The following TPD52 variants were observed in gnomAD, a reference collection of about 807,000 sequenced individuals.
TPD52 encodes the protein prostate and colon associated protein.
TPD52 carries 17 observed loss-of-function variants against 31.3 expected under a neutral mutation model. That is an observed-to-expected ratio of 0.54 (90% CI 0.37 to 0.82). The LOEUF (loss-of-function observed/expected upper bound fraction) is 0.82. TPD52 is among the 40% of genes least tolerant of loss of function. The pLI is 0.00. For synonymous variants in TPD52, 83 were observed against 89.6 expected, an observed-to-expected ratio of 0.93 and a Z score of 0.42; for missense variants, 212 against 240.1, an observed-to-expected ratio of 0.88 and a Z score of 0.77.
At chr8:80,054,096 A>G (rs1208097439) in intron 2 of TPD52, among the ~76,000 whole-genome samples, 1 of 152,182 alleles carries the variant, frequency 6.6e-6, no homozygotes, top group Non-Finnish European at 1.5e-5. Context: ...GCCCTGACCC[A>G]TGGACAGCCA....
chr8:80,057,947 C>T (rs1812084353), intron 2 of TPD52, among the ~76,000 whole-genome samples: 1 of 152,114 alleles, frequency 6.6e-6, no homozygotes, highest in South Asian at 2.1e-4. Flanking sequence ...GACTATGTTT[C>T]CTCTTCCATC....
intron 1 of TPD52, among the ~76,000 whole-genome samples, chr8:80,106,506 G>A (rs867514826): frequency 2.0e-5 from 3 of 151,816 alleles, no homozygotes; most frequent in African/African-American, 7.3e-5. Flanking sequence ...ACAGGTGCAC[G>A]CCACCACACC....
At chr8:80,140,158 G>A (rs1041438928) in intron 1 of TPD52, among the ~76,000 whole-genome samples, 2 of 152,186 alleles carry the variant, frequency 1.3e-5, no homozygotes, top group African/African-American at 2.4e-5. Flanking sequence ...TGGTGAGAAC[G>A]TGAGACCTCA....
intron 1 of TPD52, among the ~76,000 whole-genome samples, chr8:80,102,335 G>A (rs1806804586): frequency 6.6e-6 from 1 of 152,176 alleles, no homozygotes; most frequent in African/African-American, 2.4e-5. Flanking sequence ...ACCTCTTTAT[G>A]GACCTGATCA....
rs140829638 is a variant in TPD52, at chr8:80,169,270, C to T, written c.19+2155G>A. 7.1e-4 allele frequency among the ~76,000 whole-genome samples: 108 copies of T among 152,118 alleles called. No homozygotes were observed. The South Asian group carries it at 7.3e-3, about 10-fold the overall frequency. ...TGCTGGGATTACAGGTGTGAGCCACCGCACCCAGCCTTGGCCACGTTGTTC... is the reference window on the plus strand; with the variant it reads ...TGCTGGGATTACAGGTGTGAGCCACTGCACCCAGCCTTGGCCACGTTGTTC... On this transcript the variant is annotated intron_variant, in intron 1 of 7. Coordinates refer to ENST00000518937, the MANE Select transcript of TPD52 (RefSeq NM_001025253.3).
At chr8:80,087,804 GGGCAGAGA>G (rs1815931999) in intron 1 of TPD52, among the ~76,000 whole-genome samples, 1 of 152,280 alleles carries the variant, frequency 6.6e-6, no homozygotes, top group Non-Finnish European at 1.5e-5. Context: ...CAGGGTGAGA[GGGCAGAGA>G]GGCTGAGAGG....
intron 2 of TPD52, among the ~76,000 whole-genome samples, chr8:80,061,216 T>A (rs963360336): frequency 6.6e-6 from 1 of 151,614 alleles, no homozygotes; most frequent in Non-Finnish European, 1.5e-5. Flanking sequence ...AATACAAAAT[T>A]AGCCGGGCGT....
intron 7 of TPD52, 32 bp downstream of exon 7, chr8:80,042,588 A>G: frequency 6.3e-7 from 1 of 1,587,206 alleles, no homozygotes. Context: ...CAGGCAATGT[A>G]TCAAAAAGAC....
chr8:80,048,079 G>A (rs1811041416), intron 5 of TPD52, among the ~76,000 whole-genome samples: 1 of 152,146 alleles, frequency 6.6e-6, no homozygotes, highest in Admixed American at 6.5e-5. Context: ...CAAACAGAGG[G>A]GAAATATAAG....
intron 1 of TPD52, among the ~76,000 whole-genome samples, chr8:80,161,730 A>ATTTT (rs1352866479): frequency 8.0e-4 from 45 of 56,224 alleles, no homozygotes; most frequent in African/African-American, 1.9e-3. Flanking sequence ...ATATATATAT[A>ATTTT]TATTTTTTTT....
At chr8:80,095,699 C>A (rs1816673673) in intron 1 of TPD52, among the ~76,000 whole-genome samples, 1 of 96,860 alleles carries the variant, frequency 1.0e-5, no homozygotes, top group African/African-American at 4.3e-5. Flanking sequence ...GTAATCCAAG[C>A]ACTTGGGAGG....
intron 1 of TPD52, among the ~76,000 whole-genome samples, chr8:80,135,631 G>A (rs2131107423): frequency 6.6e-6 from 1 of 150,648 alleles, no homozygotes; most frequent in Admixed American, 6.6e-5. Flanking sequence ...CCCATTACTG[G>A]GTATATACCC....
chr8:80,130,714 G>C (rs1330119338), intron 1 of TPD52, among the ~76,000 whole-genome samples: 1 of 152,134 alleles, frequency 6.6e-6, no homozygotes, highest in African/African-American at 2.4e-5. Context: ...CTACCAGCTG[G>C]ACTGTTTGGT....
intron 1 of TPD52, among the ~76,000 whole-genome samples, chr8:80,116,888 G>A (rs1465780354): frequency 6.6e-6 from 1 of 151,818 alleles, no homozygotes; most frequent in Admixed American, 6.6e-5. Context: ...ATAGATAAAG[G>A]ACTAAAACAT....
At chr8:80,131,685 C>T (rs1433739857) in intron 1 of TPD52, among the ~76,000 whole-genome samples, 1 of 152,094 alleles carries the variant, frequency 6.6e-6, no homozygotes, top group South Asian at 2.1e-4. Flanking sequence ...ACCTTAGGAC[C>T]AGATACCCTA....
intron 1 of TPD52, among the ~76,000 whole-genome samples, chr8:80,105,824 C>T (rs1807072123): frequency 6.6e-6 from 1 of 150,944 alleles, no homozygotes; most frequent in Admixed American, 6.6e-5. Context: ...CTCTGCCTCC[C>T]GGATTTAAGC....
intron 1 of TPD52, among the ~76,000 whole-genome samples, chr8:80,092,967 G>T (rs1339977841): frequency 1.3e-5 from 2 of 151,792 alleles, no homozygotes; most frequent in African/African-American, 4.8e-5. Context: ...GGTACAGATG[G>T]TAAATTATAT....
chr8:80,132,327 G>A (rs1341806747), intron 1 of TPD52, among the ~76,000 whole-genome samples: 1 of 152,074 alleles, frequency 6.6e-6, no homozygotes, highest in Non-Finnish European at 1.5e-5. Flanking sequence ...CCAGAGAACA[G>A]CACTTCTTGG....
downstream of TPD52, chr8:80,033,257 A>T (rs1809736931): frequency 6.8e-6 from 1 of 147,100 alleles, no homozygotes; most frequent in South Asian, 2.1e-4. Flanking sequence ...GTGGGCTCCC[A>T]GAAGGGCTCA....
Sources: allele counts gnomAD v4.1 joint callset (sites outside exome capture counted in the v4.1 genomes callset), GRCh38; gene constraint gnomAD v4.1.1; transcripts MANE v1.5; gene names NCBI Gene and HGNC (gene_info 2026-07-23, HGNC 2026-07-21).